The following CETP variants were observed in gnomAD, a reference collection of about 807,000 sequenced individuals.
CETP encodes BPI fold containing family F.
Under a neutral mutation model 66.5 loss-of-function variants are expected in CETP, and 56 were observed. The ratio of observed to expected loss-of-function variants is 0.84; its 90% CI spans 0.68 to 1.05. The LOEUF (loss-of-function observed/expected upper bound fraction) is 1.05, where lower values mean the gene tolerates loss of function less well. CETP is among the 50% of genes least tolerant of loss of function. CETP has a pLI of 0.00. For missense variants in CETP, 612 were observed against 609.6 expected, an observed-to-expected ratio of 1.00 and a Z score of -0.04; for synonymous variants, 251 against 245.7, an observed-to-expected ratio of 1.02 and a Z score of -0.20.
chr16:56,975,250 A>G (rs1164460578), intron 10 of CETP, 99 bp downstream of exon 10: 1 of 997,160 alleles, frequency 1.0e-6, no homozygotes, highest in African/African-American at 1.6e-5. Context: ...ACCAATGGCA[A>G]CAATTATAAC....
chr16:56,962,550 G>A (rs2056031639), intron 1 of CETP, among the ~76,000 whole-genome samples: 1 of 152,100 alleles, frequency 6.6e-6, no homozygotes, highest in African/African-American at 2.4e-5. Flanking sequence ...CAGCTCCCCT[G>A]CCCTCTCTGG....
At chr16:56,975,053 G>A in intron 9 of CETP, 48 bp from the exon 10 acceptor site, 1 of 1,582,006 alleles carries the variant, frequency 6.3e-7, no homozygotes, top group Non-Finnish European at 8.7e-7. Flanking sequence ...TTCTTCTGAG[G>A]AGTGGACTTT....
chr16:56,977,316 C>T (rs1347347629), intron 10 of CETP, among the ~76,000 whole-genome samples: 1 of 152,122 alleles, frequency 6.6e-6, no homozygotes, highest in Non-Finnish European at 1.5e-5. Context: ...TGAGCCCAGT[C>T]CCACAGGCTG....
chr16:56,965,864 G>A (rs550932278), intron 2 of CETP, among the ~76,000 whole-genome samples: 17 of 141,224 alleles, frequency 1.2e-4, no homozygotes, highest in African/African-American at 2.2e-4. Context: ...CCAAGTCCCC[G>A]GCGGCACAGG....
At chr16:56,965,190 A>G (rs148403251) in intron 2 of CETP, among the ~76,000 whole-genome samples, 25 of 152,364 alleles carry the variant, frequency 1.6e-4, no homozygotes, top group Non-Finnish European at 2.6e-4. Context: ...ATCCTTAATA[A>G]ATCAGCAATA....
chr16:56,964,648 T>A (rs2056052835), intron 2 of CETP, among the ~76,000 whole-genome samples: 1 of 152,170 alleles, frequency 6.6e-6, no homozygotes, highest in Non-Finnish European at 1.5e-5. Context: ...CCAGGGGTGG[T>A]CTCTGCTACC....
At chr16:56,963,457 A>T (rs4587963) in intron 2 of CETP, among the ~76,000 whole-genome samples, 118,808 of 151,648 alleles carry the variant, frequency 0.78, 46,750 homozygotes, top group Middle Eastern at 0.84. Flanking sequence ...AGTATTTTTT[A>T]AAAAAATGTA....
rs13331688 is a variant in CETP at position 56,980,897 on chromosome 16, G to A, written c.1147-261G>A. ...AGATCGTGCCACTGCCCTCCAGCCT[G>A]GGCAACAGAGTGAGACTGTCTCAAA... On this transcript the variant is annotated intron_variant, in intron 11 of 15. Coordinates refer to ENST00000200676, the MANE Select transcript of CETP (RefSeq NM_000078.3). Among the ~76,000 whole-genome samples, 1,139 of 152,240 alleles carry A rather than the reference G, an allele frequency of 7.5e-3. 12 individuals carry two copies. Among genetic ancestry groups the A allele is most frequent in the African/African-American group, 0.025 (1,058 of 41,530 alleles).
intron 2 of CETP, among the ~76,000 whole-genome samples, chr16:56,966,724 C>T (rs375265607): frequency 3.1e-4 from 47 of 151,960 alleles, no homozygotes; most frequent in African/African-American, 1.1e-3. Context: ...CTCAACCTCC[C>T]GAGCAGCTGG....
At chr16:56,966,368 C>T (rs2056066115) in intron 2 of CETP, among the ~76,000 whole-genome samples, 1 of 152,092 alleles carries the variant, frequency 6.6e-6, no homozygotes, top group Non-Finnish European at 1.5e-5. Context: ...TGTGATTGTC[C>T]CAAGTCCTGT....
chr16:56,979,171 A>G (rs2056170875), intron 11 of CETP, among the ~76,000 whole-genome samples: 1 of 152,124 alleles, frequency 6.6e-6, no homozygotes. Flanking sequence ...GGTGTTTATT[A>G]CCCGAGTCCA....
Position 56,981,786 on chromosome 16 carries a change from A to AATGTGGACC in CETP, c.1248+108_1248+116dup, listed in dbSNP as rs1309363428. The AATGTGGACC allele has an allele frequency of 6.3e-6, 7 of 1,111,934 alleles. No homozygotes were observed. In the Admixed American group the frequency reaches 7.0e-5, roughly 11 times the overall value. 68.9% of individuals were successfully genotyped at this position (1,111,934 alleles called of 1,614,324 possible). ...GGAAATCAGGCAACCAGACCAAAAG[A>AATGTGGACC]ATGTGGACCAGGTGGTCCATGCTGT... On this transcript the variant is annotated intron_variant, in intron 13 of 15. Transcript: ENST00000200676.
At position 56,972,684 on chromosome 16, in the gene CETP, G is replaced by C. The variant is rs146562593; in HGVS notation, c.750+601G>C. On this transcript the variant is annotated intron_variant, in intron 8 of 15. Transcript: ENST00000200676. ...ACAGCCCGTTGGCCTGAACCTGATCGCAGGACCCCACCCTAGCTGCAAGGG... is the reference window on the plus strand; with the variant it reads ...ACAGCCCGTTGGCCTGAACCTGATCCCAGGACCCCACCCTAGCTGCAAGGG... 3.4e-4 allele frequency among the ~76,000 whole-genome samples: 52 copies of C among 152,294 alleles called. No homozygotes were observed. The East Asian group carries it at 9.8e-3, about 29-fold the overall frequency.
chr16:56,981,635 T>C lies in CETP; in HGVS notation c.1215-12T>C. 6.2e-7 allele frequency: 1 copy of C among 1,613,916 alleles called. No homozygotes were observed. Reference sequence around the variant, plus strand: ...AATGGAGGGTCAAATTATCATCGCTTTTTTATTTCAGGATTACACCAAAGA... The same window carrying C: ...AATGGAGGGTCAAATTATCATCGCTCTTTTATTTCAGGATTACACCAAAGA... On this transcript the variant is annotated splice_polypyrimidine_tract_variant and intron_variant, in intron 12 of 15. Coordinates refer to ENST00000200676, the MANE Select transcript of CETP (RefSeq NM_000078.3).
chr16:56,973,267 C>T (rs1299423130), intron 8 of CETP, 64 bp from the exon 9 acceptor site: 1 of 1,565,572 alleles, frequency 6.4e-7, no homozygotes, highest in Non-Finnish European at 8.8e-7. Flanking sequence ...CCCAATCTCC[C>T]TGAAGCTGGA....
intron 2 of CETP, among the ~76,000 whole-genome samples, chr16:56,967,988 A>AAG (rs2056080276): frequency 1.3e-5 from 2 of 151,892 alleles, no homozygotes; most frequent in South Asian, 4.2e-4. Flanking sequence ...AAAAAAAAAA[A>AAG]AAGAAGAAGA....
At chr16:56,973,208 CT>C in intron 8 of CETP, 122 bp from the exon 9 acceptor site, 3 of 1,030,848 alleles carry the variant, frequency 2.9e-6, no homozygotes, top group Non-Finnish European at 3.0e-6. Context: ...GGGTACAGCT[CT>C]TTCCTCAGTT....
intron 7 of CETP, 81 bp downstream of exon 7, chr16:56,971,462 A>G: frequency 2.5e-6 from 3 of 1,215,982 alleles, no homozygotes; most frequent in Non-Finnish European, 3.6e-6. Flanking sequence ...TGGCCTTGGG[A>G]CTGTCACTCT....
At position 56,969,404 on chromosome 16, in the gene CETP, G is replaced by A. The variant is rs779567407; in HGVS notation, c.252G>A (p.Leu84=). 1.2e-6 allele frequency: 2 copies of A among 1,614,052 alleles called. No individual in the cohort carries two copies. Among genetic ancestry groups the A allele is most frequent in the Admixed American group, 1.7e-5 (1 of 60,012 alleles). ...YGLHNIQISH[L]SIASSQVELV... The stretch of plus-strand genomic sequence containing the variant: ...TTCCCAGCATCCAGATCAGCCACTT[G>A]TCCATCGCCAGCAGCCAGGTGGAGC... The change falls in exon 3 of 16, where the codon TTG becomes TTA. Residue 84 remains leucine, a synonymous_variant. Coordinates refer to ENST00000200676, the MANE Select transcript of CETP (RefSeq NM_000078.3).
Sources: allele counts gnomAD v4.1 joint callset (sites outside exome capture counted in the v4.1 genomes callset), GRCh38; gene constraint gnomAD v4.1.1; transcripts MANE v1.5; gene names NCBI Gene and HGNC (gene_info 2026-07-23, HGNC 2026-07-21).